The following ARSG variants were observed in gnomAD, a reference collection of about 807,000 sequenced individuals.
The protein encoded by ARSG is arylsulfatase G.
A neutral mutation model predicts 50.5 loss-of-function variants in ARSG; 37 were observed. That is an observed-to-expected ratio of 0.73 (90% CI 0.56 to 0.96). ARSG has a LOEUF of 0.96. ARSG is among the 50% of genes least tolerant of loss of function. The pLI is 0.00. For synonymous variants in ARSG, 225 were observed against 254.6 expected, an observed-to-expected ratio of 0.88 and a Z score of 1.11; for missense variants, 629 against 675.3, an observed-to-expected ratio of 0.93 and a Z score of 0.76.
chr17:68,413,433 G>A lies in ARSG; in HGVS notation c.1304-6756G>A, dbSNP rs1042071535. On this transcript the variant is annotated intron_variant, in intron 11 of 11. Transcript: ENST00000621439. ...GGGGTGCCTCCCAGTTAGGCTGCTCGGGGGTCAGGGACCCACTTGAGGAGG... is the reference window on the plus strand; with the variant it reads ...GGGGTGCCTCCCAGTTAGGCTGCTCAGGGGTCAGGGACCCACTTGAGGAGG... Among the ~76,000 whole-genome samples the A allele has an allele frequency of 3.1e-4, 47 of 152,188 alleles. 1 individual carries two copies. Among genetic ancestry groups the A allele is most frequent in the African/African-American group, 1.0e-3 (43 of 41,534 alleles).
intron 2 of ARSG, among the ~76,000 whole-genome samples, chr17:68,329,570 A>G (rs2077641236): frequency 6.6e-6 from 1 of 152,230 alleles, no homozygotes; most frequent in South Asian, 2.1e-4. Flanking sequence ...AGTCTAAGAA[A>G]ACTTTTGGTT....
Position 68,336,551 on chromosome 17 carries a change from G to A in ARSG, c.219-7053G>A, listed in dbSNP as rs149052702. Among the ~76,000 whole-genome samples the A allele has an allele frequency of 5.7e-4, 87 of 152,056 alleles. 2 individuals carry two copies. In the East Asian group the frequency reaches 0.015, roughly 26 times the overall value. On this transcript the variant is annotated intron_variant, in intron 2 of 11. Transcript: ENST00000621439. ...GTAAGGGATTAGTGTGATCAAATTC[G>A]CATTATGGAAAAACATTTGGGTTGG...
At chr17:68,373,733 C>A (rs992516482) in intron 8 of ARSG, among the ~76,000 whole-genome samples, 9 of 152,042 alleles carry the variant, frequency 5.9e-5, no homozygotes, top group Admixed American at 2.0e-4. Context: ...CACTCTCTCT[C>A]TCTCTATATA....
At position 68,307,480 on chromosome 17, in the gene ARSG, C is replaced by T. The variant is rs1465654280; in HGVS notation, c.-14C>T. The T allele has an allele frequency of 6.2e-7, 1 of 1,606,466 alleles. No homozygotes were observed. Among genetic ancestry groups the T allele is most frequent in the Non-Finnish European group, 8.5e-7 (1 of 1,174,180 alleles). ...GCCGTCGCTCCAGACAATCGGAATC[C>T]TGCCTTCACCACCATGGGCTGGCTT... On this transcript the variant is annotated 5_prime_UTR_variant, in exon 2 of 12. Coordinates refer to ENST00000621439, the MANE Select transcript of ARSG (RefSeq NM_001267727.2).
the ARSG span, chr17:68,436,612 G>C: frequency 1.4e-6 from 1 of 723,730 alleles, no homozygotes; most frequent in Non-Finnish European, 2.2e-6. Context: ...GCAGACAACT[G>C]CTTTCCGCTG....
the ARSG span, chr17:68,435,605 T>C: frequency 6.2e-7 from 1 of 1,613,412 alleles, no homozygotes; most frequent in Non-Finnish European, 8.5e-7. Context: ...GAGGTGTTGG[T>C]GGGAGTGGAC....
upstream of ARSG, among the ~76,000 whole-genome samples, chr17:68,290,589 G>A (rs2075952161): frequency 1.3e-5 from 2 of 152,368 alleles, no homozygotes; most frequent in Non-Finnish European, 2.9e-5. Context: ...GTGTTTGGGG[G>A]TCGGGGGAGG....
At position 68,378,992 on chromosome 17, in the gene ARSG, C is replaced by T. The variant is rs1224339476; in HGVS notation, c.983-6072C>T. ...GTGACAGAGCAAGGGATAAGGGACTCTGGCTGTTGGCCCTGGCTGGGGACA... is the reference window on the plus strand; with the variant it reads ...GTGACAGAGCAAGGGATAAGGGACTTTGGCTGTTGGCCCTGGCTGGGGACA... On this transcript the variant is annotated intron_variant, in intron 8 of 11. Coordinates refer to ENST00000621439, the MANE Select transcript of ARSG (RefSeq NM_001267727.2). The surrounding 1 kb of genome is among the most constrained non-coding windows in gnomAD (Gnocchi z 4.4). Among the ~76,000 whole-genome samples the T allele has an allele frequency of 1.3e-5, 2 of 152,266 alleles. No homozygotes were observed. Among genetic ancestry groups the T allele is most frequent in the Admixed American group, 1.3e-4 (2 of 15,296 alleles).
rs114700336 is a variant in ARSG, at chr17:68,400,863, A to T, written c.1213-497A>T. Reference sequence around the variant, plus strand: ...GAGTTGTAACCCACTCCCATCAATTAACCAGCAAAATAACAACTTCACAGG... The same window carrying T: ...GAGTTGTAACCCACTCCCATCAATTTACCAGCAAAATAACAACTTCACAGG... On this transcript the variant is annotated intron_variant, in intron 10 of 11. Coordinates refer to ENST00000621439, the MANE Select transcript of ARSG (RefSeq NM_001267727.2). Among the ~76,000 whole-genome samples, 1,254 of 152,246 alleles carry T rather than the reference A, an allele frequency of 8.2e-3. 16 individuals are homozygous for T. The highest frequency in any genetic ancestry group is 0.029 in the African/African-American group (1,204 of 41,534).
the ARSG span, among the ~76,000 whole-genome samples, chr17:68,438,983 G>A: frequency 6.6e-6 from 1 of 152,202 alleles, no homozygotes; most frequent in Non-Finnish European, 1.5e-5. Flanking sequence ...TAGTGAAAAA[G>A]ACAGATAAAT....
At chr17:68,293,778 C>T (rs1599594217) in intron 1 of ARSG, among the ~76,000 whole-genome samples, 1 of 152,080 alleles carries the variant, frequency 6.6e-6, no homozygotes, top group Admixed American at 6.6e-5. Flanking sequence ...TAGAGCTCAT[C>T]CAAAGATGAC....
At chr17:68,374,732 A>G (rs8068845) in intron 8 of ARSG, among the ~76,000 whole-genome samples, 4,088 of 151,586 alleles carry the variant, frequency 0.027, 165 homozygotes, top group African/African-American at 0.085. Context: ...GGCACCTGTA[A>G]TCCCAGCTAC....
At chr17:68,356,274 G>A (rs1312778818) in intron 5 of ARSG, among the ~76,000 whole-genome samples, 1 of 152,206 alleles carries the variant, frequency 6.6e-6, no homozygotes, top group Non-Finnish European at 1.5e-5. Context: ...GCCATACACA[G>A]AGGCTGGGAT....
chr17:68,336,295 C>G (rs980816466), intron 2 of ARSG, among the ~76,000 whole-genome samples: 1 of 149,930 alleles, frequency 6.7e-6, no homozygotes, highest in African/African-American at 2.5e-5. Flanking sequence ...CTGCAACCTC[C>G]TTCTCCCAGA....
intron 2 of ARSG, among the ~76,000 whole-genome samples, chr17:68,328,189 G>C (rs930836322): frequency 4.6e-5 from 7 of 152,074 alleles, no homozygotes; most frequent in African/African-American, 1.7e-4. Flanking sequence ...CTCACTTATT[G>C]CCCCTCCACA....
chr17:68,394,747 T>A (rs1026318176), intron 9 of ARSG, among the ~76,000 whole-genome samples: 6 of 152,198 alleles, frequency 3.9e-5, no homozygotes, highest in Non-Finnish European at 8.8e-5. Flanking sequence ...AAGGGGGGAC[T>A]ACTATATTAT....
the ARSG span, chr17:68,436,332 C>T: frequency 1.3e-6 from 2 of 1,562,112 alleles, no homozygotes; most frequent in Non-Finnish European, 1.8e-6. Context: ...CTTCCATGAC[C>T]ACACAGCCAA....
chr17:68,360,743 C>T (rs1393346571), intron 6 of ARSG, among the ~76,000 whole-genome samples: 1 of 152,156 alleles, frequency 6.6e-6, no homozygotes, highest in African/African-American at 2.4e-5. Context: ...TGCACCTACG[C>T]GGGCAATACA....
chr17:68,384,831 G>A (rs1055881833), intron 8 of ARSG, among the ~76,000 whole-genome samples: 3 of 152,168 alleles, frequency 2.0e-5, no homozygotes, highest in East Asian at 1.9e-4. Flanking sequence ...AAAATAAAAT[G>A]AGGTGATTCA....
Sources: gnomAD v4.1 joint callset for allele counts (sites outside exome capture counted in the v4.1 genomes callset) on GRCh38, gnomAD v4.1.1 for gene constraint, Gnocchi (gnomAD v3.1) non-coding constraint, MANE v1.5 for transcripts, NCBI Gene and HGNC (gene_info 2026-07-23, HGNC 2026-07-21) for gene names.